HSP90AB1: variants seen among roughly 807,000 people sequenced by gnomAD.
HSP90AB1 encodes heat shock protein HSP 90-beta.
A neutral mutation model predicts 67.8 loss-of-function variants in HSP90AB1; 17 were observed. The observed-to-expected ratio is 0.25, with a 90% CI of 0.17 to 0.38. HSP90AB1 has a LOEUF of 0.38. HSP90AB1 is among the 10% of genes least tolerant of loss of function. The pLI, the probability that HSP90AB1 is intolerant of heterozygous loss-of-function variation, is 1.00. For missense variants in HSP90AB1, 690 were observed against 899.9 expected (o/e 0.77, Z 2.98); for synonymous variants, 390 against 312.9 (o/e 1.25, Z -2.60).
rs375047280 is a variant in HSP90AB1, at chr6:44,251,827, C to G, written c.1405C>G (p.Leu469Val). 1.6e-5 allele frequency: 26 copies of G among 1,613,040 alleles called. No individual in the cohort carries two copies. Among genetic ancestry groups the G allele is most frequent in the Non-Finnish European group, 2.2e-5 (26 of 1,180,026 alleles). ...CCAGTCTGGAGATGAGATGACATCT[C>G]TGTCAGAGTATGTTTCTCGCATGAA... ...TSQSGDEMTS[L>V]SEYVSRMKET... is the part of the protein sequence containing the mutation. The change falls in exon 9 of 12, where the codon CTG becomes GTG. Residue 469 changes from leucine to valine, a missense_variant. Around this residue, in one of 7 missense-constraint regions of HSP90AB1, gnomAD observed 206 missense variants for 221.4 expected, o/e 0.93. Transcript: ENST00000371646.
At position 44,252,016 on chromosome 6, in the gene HSP90AB1, G is replaced by A; in HGVS notation, c.1480G>A (p.Val494Met). 1.9e-6 allele frequency: 3 copies of A among 1,614,188 alleles called. No homozygotes were observed. The highest frequency in any genetic ancestry group is 2.5e-6 in the Non-Finnish European group (3 of 1,180,034). ...CCCTACAGGTGAGAGCAAAGAGCAG[G>A]TGGCCAACTCAGCTTTTGTGGAGCG... ...YYITGESKEQ[V>M]ANSAFVERVR... Residue 494 changes from valine to methionine, a missense_variant, in exon 10 of 12, where the codon GTG (valine) becomes ATG (methionine). Around this residue, in one of 7 missense-constraint regions of HSP90AB1, gnomAD observed 206 missense variants for 221.4 expected, o/e 0.93. Transcript: ENST00000371646.
chr6:44,253,408 G>T, intron 11 of HSP90AB1, 30 bp downstream of exon 11: 1 of 1,608,476 alleles, frequency 6.2e-7, no homozygotes, highest in Non-Finnish European at 8.5e-7. Flanking sequence ...GGTGTGGCAA[G>T]GAGTTTGTGC....
At chr6:44,249,621 T>G (rs1780395298) in intron 3 of HSP90AB1, 38 bp downstream of exon 3, 1 of 1,610,968 alleles carries the variant, frequency 6.2e-7, no homozygotes, top group South Asian at 1.1e-5. Flanking sequence ...TTATCTGTGT[T>G]CTTTGGTTTT....
At chr6:44,252,362 C>A in intron 10 of HSP90AB1, 95 bp downstream of exon 10, 2 of 1,143,936 alleles carry the variant, frequency 1.7e-6, no homozygotes, top group Admixed American at 1.9e-5. Flanking sequence ...TTGAGGCAGC[C>A]TATTTACTGT....
Position 44,251,143 on chromosome 6 carries a change from C to A in HSP90AB1, c.1053C>A (p.Asn351Lys). 1.2e-6 allele frequency: 2 copies of A among 1,614,152 alleles called. No individual in the cohort carries two copies. The highest frequency in any genetic ancestry group is 1.7e-6 in the Non-Finnish European group (2 of 1,179,982). ...TTTTTGAGAACAAGAAGAAAAAGAA[C>A]AACATCAAACTCTATGTCCGCCGTG... ...FDLFENKKKK[N>K]NIKLYVRRVF... The change falls in exon 7 of 12, where the codon AAC (asparagine) becomes AAA (lysine). Residue 351 changes from asparagine to lysine, a missense_variant. By Grantham distance (94) the Asn-to-Lys change is moderately conservative. Around this residue, in one of 7 missense-constraint regions of HSP90AB1, gnomAD observed 101 missense variants for 174.8 expected, o/e 0.58. Transcript: ENST00000371646.
chr6:44,251,226 T>G lies in HSP90AB1; in HGVS notation c.1123+13T>G. On this transcript the variant is annotated intron_variant, in intron 7 of 11. Transcript: ENST00000371646. ...CCAGAGTATCTCAGTGAGTATCTCC[T>G]TGGCCTAATTTAGTTGGGTGAAGTC... 4 of 1,613,784 alleles carry G rather than the reference T, an allele frequency of 2.5e-6. No individual in the cohort carries two copies. Among genetic ancestry groups the G allele is most frequent in the Middle Eastern group, 3.3e-4 (2 of 6,062 alleles).
At chr6:44,250,681 A>G in intron 6 of HSP90AB1, 82 bp downstream of exon 6, 1 of 780,538 alleles carries the variant, frequency 1.3e-6, no homozygotes, top group Non-Finnish European at 2.2e-6. Context: ...GGTAATAGAC[A>G]CACGGAACTT....
In HSP90AB1 at chr6:44,250,416, G is replaced by T. The variant is rs192464579; in HGVS notation, c.774G>T (p.Glu258Asp). ...PKIEDVGSDE[E>D]DDSGKDKKKK... ...TCGAAGATGTGGGTTCAGATGAGGAGGATGACAGCGGTAAGGATAAGAAGA... is the reference window on the plus strand; with the variant it reads ...TCGAAGATGTGGGTTCAGATGAGGATGATGACAGCGGTAAGGATAAGAAGA... The change falls in exon 6 of 12, where the codon GAG (glutamate) becomes GAT (aspartate). Residue 258 changes from glutamate (E) to aspartate (D), a missense_variant. By Grantham distance (45) the Glu-to-Asp change is conservative. Transcript: ENST00000371646. 477 of 1,613,700 alleles carry T rather than the reference G, an allele frequency of 3.0e-4. No individual in the cohort carries two copies. The highest frequency in any genetic ancestry group is 1.2e-4 in the Non-Finnish European group (147 of 1,179,726).
At chr6:44,247,744 G>A (rs1352707361) in intron 1 of HSP90AB1, 1 of 152,288 alleles carries the variant, frequency 6.6e-6, no homozygotes, top group African/African-American at 2.4e-5. Context: ...CTTTCTTGCA[G>A]TCCCGGTGGA....
Position 44,253,706 on chromosome 6 carries a change from A to G in HSP90AB1, c.*108A>G, listed in dbSNP as rs759351114. On this transcript the variant is annotated 3_prime_UTR_variant, in exon 12 of 12. Transcript: ENST00000371646. ...CACCTGGCTCCCCCTGCTGGTGTCT[A>G]GTGTTTTTTTCCCTCTCCTGTCCTT... 4 of 850,084 alleles carry G rather than the reference A, an allele frequency of 4.7e-6. No homozygotes were observed. The highest frequency in any genetic ancestry group is 8.3e-6 in the Non-Finnish European group (4 of 482,308). 52.7% of individuals were successfully genotyped at this position (850,084 alleles called of 1,614,324 possible). A position where few individuals can be genotyped will look rare whatever the true frequency, so the allele number is the denominator to read the frequency against.
At chr6:44,251,011 C>G (rs761067202) in intron 6 of HSP90AB1, 37 bp from the exon 7 acceptor site, 2 of 1,600,348 alleles carry the variant, frequency 1.2e-6, no homozygotes, top group Non-Finnish European at 1.7e-6. Flanking sequence ...AAAAGGTCCT[C>G]TTTTGAAATG....
chr6:44,251,371 T>G, intron 7 of HSP90AB1, 47 bp from the exon 8 acceptor site: 1 of 1,569,184 alleles, frequency 6.4e-7, no homozygotes, highest in Non-Finnish European at 8.7e-7. Flanking sequence ...GGACCAGGTC[T>G]GGTCTAGCTG....
intron 3 of HSP90AB1, 25 bp from the exon 4 acceptor site, chr6:44,249,650 T>G (rs972249244): frequency 6.2e-7 from 1 of 1,611,516 alleles, no homozygotes; most frequent in African/African-American, 1.3e-5. Flanking sequence ...TTAAAACTTG[T>G]GATTGACTTT....
chr6:44,252,248 TAGATA>T lies in HSP90AB1; in HGVS notation c.1716_1720del (p.Asp572GlufsTer3). ...CTCTGCAAGCTCATGAAAGAAATCT[TAGATA>T]AGAAGGTTGAGAAGGTAAGCCATTC... On this transcript the variant is annotated frameshift_variant, in exon 10 of 12. Coordinates refer to ENST00000371646, the MANE Select transcript of HSP90AB1 (RefSeq NM_007355.4). LOFTEE classifies it high-confidence loss of function. 1 of 1,613,834 alleles carries T rather than the reference TAGATA, an allele frequency of 6.2e-7. No individual in the cohort carries two copies. The highest frequency in any genetic ancestry group is 8.5e-7 in the Non-Finnish European group (1 of 1,179,988).
At position 44,247,899 on chromosome 6, in the gene HSP90AB1, G is replaced by A. The variant is rs1262891999; in HGVS notation, c.-1+704G>A. 7.2e-5 allele frequency: 11 copies of A among 152,234 alleles called. No homozygotes were observed. In the East Asian group the frequency reaches 1.9e-3, roughly 27 times the overall value. 9.4% of individuals were successfully genotyped at this position (152,234 alleles called of 1,614,324 possible). The stretch of plus-strand genomic sequence containing the variant: ...ATGCTGGGGCGAGGGAGGGTGCACT[G>A]CGGCGCCCCCTCCTCGCGTGGTCCT... On this transcript the variant is annotated intron_variant, in intron 1 of 11. Transcript: ENST00000371646.
upstream of HSP90AB1, among the ~76,000 whole-genome samples, chr6:44,246,754 G>A (rs1779945922): frequency 6.6e-6 from 1 of 152,014 alleles, no homozygotes; most frequent in Non-Finnish European, 1.5e-5. Context: ...CCCCAGTCCC[G>A]CCCTTGGGTG....
rs1179775326 is a variant in HSP90AB1 at position 44,248,537 on chromosome 6, ACTGT to A, written c.1-90_1-87del. ...ACTCCGGTTAAACCAGTCTGAACTC[ACTGT>A]CTAAGGTCCTAACAAATGATATGAC... On this transcript the variant is annotated intron_variant, in intron 1 of 11. Transcript: ENST00000371646. The A allele has an allele frequency of 3.4e-5, 40 of 1,184,840 alleles. No individual in the cohort carries two copies. In the East Asian group the frequency reaches 7.0e-4, roughly 21 times the overall value. The allele number at this position is 1,184,840 out of a possible 1,614,324, so 73.4% of individuals were successfully genotyped here.
Position 44,252,070 on chromosome 6 carries a change from T to C in HSP90AB1, c.1534T>C (p.Tyr512His). The C allele has an allele frequency of 6.2e-7, 1 of 1,614,134 alleles. No homozygotes were observed. The highest frequency in any genetic ancestry group is 8.5e-7 in the Non-Finnish European group (1 of 1,180,028). ...GCGGAAACGGGGCTTCGAGGTGGTA[T>C]ATATGACCGAGCCCATTGACGAGTA... ...RVRKRGFEVV[Y>H]MTEPIDEYCV... Residue 512 changes from tyrosine (Y) to histidine (H), a missense_variant, in exon 10 of 12, where the codon TAT (tyrosine) becomes CAT (histidine). Physicochemically the swap from Tyr to His is moderately conservative, Grantham distance 83. Transcript: ENST00000371646.
intron 2 of HSP90AB1, among the ~76,000 whole-genome samples, chr6:44,249,112 A>T (rs1350507455): frequency 6.6e-6 from 1 of 151,014 alleles, no homozygotes; most frequent in Admixed American, 6.6e-5. Flanking sequence ...ATGCCAAGGC[A>T]GGAGGATCAC....
Sources: gnomAD v4.1 joint callset for allele counts (sites outside exome capture counted in the v4.1 genomes callset) on GRCh38, gnomAD v4.1.1 for gene constraint, gnomAD v4.1.1 regional missense constraint, MANE v1.5 for transcripts, NCBI Gene and HGNC (gene_info 2026-07-23, HGNC 2026-07-21) for gene names.